Variants in PDZRN3 observed in about 807,000 individuals in gnomAD.
The protein encoded by PDZRN3 is E3 ubiquitin-protein ligase PDZRN3.
Under a neutral mutation model 85.7 loss-of-function variants are expected in PDZRN3, and 38 were observed. The observed-to-expected ratio is 0.44, with a 90% CI of 0.34 to 0.58. The LOEUF is 0.58. Among genes scored for constraint, PDZRN3 ranks in the 20% least tolerant of loss-of-function variants. The probability of loss-of-function intolerance (pLI) is 0.01; values close to 1 mark genes in which losing one functional copy is unlikely to be tolerated. For synonymous variants in PDZRN3, 759 were observed against 638.0 expected, an observed-to-expected ratio of 1.19 and a Z score of -2.86; for missense variants, 1,629 against 1,506.4, an observed-to-expected ratio of 1.08 and a Z score of -1.35.
chr3:73,553,715 TGACTTCA>T (rs1701621351), intron 3 of PDZRN3, among the ~76,000 whole-genome samples: 1 of 152,130 alleles, frequency 6.6e-6, no homozygotes, highest in Admixed American at 6.5e-5. Flanking sequence ...TTCCGTGGTG[TGACTTCA>T]GAACACGCAG....
chr3:73,474,754 G>C (rs943216407), intron 3 of PDZRN3: 2 of 367,728 alleles, frequency 5.4e-6, no homozygotes, highest in Admixed American at 8.4e-5. Context: ...CGAAGTGAAG[G>C]GGGGAAAATG....
chr3:73,559,671 C>T (rs146487383), intron 3 of PDZRN3, among the ~76,000 whole-genome samples: 5 of 152,186 alleles, frequency 3.3e-5, no homozygotes, highest in Admixed American at 1.3e-4. Flanking sequence ...AAGAAAGAGA[C>T]GGTTTGCTTT....
intron 3 of PDZRN3, among the ~76,000 whole-genome samples, chr3:73,411,997 A>G (rs1262028356): frequency 2.0e-5 from 3 of 152,208 alleles, no homozygotes; most frequent in Non-Finnish European, 4.4e-5. Flanking sequence ...AGAGACACAG[A>G]GGGCATCTGC....
chr3:73,394,675 C>A (rs1389001581), intron 5 of PDZRN3, among the ~76,000 whole-genome samples: 2 of 152,182 alleles, frequency 1.3e-5, no homozygotes, highest in African/African-American at 2.4e-5. Flanking sequence ...TATTTCCTTG[C>A]CTTATCTCTG....
chr3:73,495,328 T>C (rs971716976), intron 3 of PDZRN3, among the ~76,000 whole-genome samples: 1 of 152,118 alleles, frequency 6.6e-6, no homozygotes, highest in Admixed American at 6.6e-5. Context: ...ATGCTTAATA[T>C]AGCTAAAATT....
intron 1 of PDZRN3, among the ~76,000 whole-genome samples, chr3:73,609,503 T>C (rs1449227161): frequency 6.6e-6 from 1 of 152,174 alleles, no homozygotes; most frequent in Non-Finnish European, 1.5e-5. Flanking sequence ...GTAATATTCT[T>C]TGACATAAAC....
In PDZRN3 at chr3:73,467,395, G is replaced by T. The variant is rs540924286; in HGVS notation, c.919-63000C>A. The stretch of plus-strand genomic sequence containing the variant: ...CTCAAATACAAAAGGACAAATATTT[G>T]TTTCTCCAATTAGATTAGTTGCTCA... On this transcript the variant is annotated intron_variant, in intron 3 of 9. Coordinates refer to ENST00000263666, the MANE Select transcript of PDZRN3 (RefSeq NM_015009.3). Among the ~76,000 whole-genome samples, 5 of 152,256 alleles carry T rather than the reference G, an allele frequency of 3.3e-5. No individual in the cohort carries two copies. The South Asian group carries it at 6.2e-4, about 19-fold the overall frequency.
At chr3:73,572,138 T>C (rs1294295319) in intron 3 of PDZRN3, among the ~76,000 whole-genome samples, 1 of 152,196 alleles carries the variant, frequency 6.6e-6, no homozygotes, top group Non-Finnish European at 1.5e-5. Flanking sequence ...TCCAAAGTCA[T>C]TCTTGTTTCA....
chr3:73,570,720 A>G (rs898816205), intron 3 of PDZRN3, among the ~76,000 whole-genome samples: 4 of 152,120 alleles, frequency 2.6e-5, no homozygotes, highest in Non-Finnish European at 5.9e-5. Context: ...GGCCCGTATG[A>G]GCCCCCATCC....
At chr3:73,523,010 T>TTTTG (rs369857452) in intron 3 of PDZRN3, among the ~76,000 whole-genome samples, 77 of 152,130 alleles carry the variant, frequency 5.1e-4, no homozygotes, top group Admixed American at 2.8e-3. Context: ...GAAGAGTTTT[T>TTTTG]TTTGTTTGTT....
At chr3:73,396,729 G>A (rs35401345) in intron 5 of PDZRN3, among the ~76,000 whole-genome samples, 90,780 of 152,084 alleles carry the variant, frequency 0.6, 27,951 homozygotes, top group East Asian at 0.85. Flanking sequence ...CAGCAGTTTC[G>A]CAGCCTACAT....
intron 3 of PDZRN3, among the ~76,000 whole-genome samples, chr3:73,447,646 A>G (rs1702777179): frequency 6.6e-6 from 1 of 152,156 alleles, no homozygotes; most frequent in Admixed American, 6.5e-5. Flanking sequence ...AACTATCTAA[A>G]TAGGAGGACG....
At chr3:73,508,880 T>A (rs553817379) in intron 3 of PDZRN3, among the ~76,000 whole-genome samples, 3 of 152,158 alleles carry the variant, frequency 2.0e-5, no homozygotes, top group African/African-American at 7.2e-5. Context: ...AAAAGAAAAA[T>A]AAACCTCTGG....
chr3:73,468,598 A>G (rs1386434274), intron 3 of PDZRN3, among the ~76,000 whole-genome samples: 1 of 152,220 alleles, frequency 6.6e-6, no homozygotes, highest in Non-Finnish European at 1.5e-5. Flanking sequence ...ATGTTTTCCA[A>G]GATCTCTTAT....
chr3:73,402,935 G>GA (rs1701780331), intron 4 of PDZRN3, among the ~76,000 whole-genome samples: 1 of 130,750 alleles, frequency 7.6e-6, no homozygotes, highest in Non-Finnish European at 1.6e-5. Flanking sequence ...AGTCACACAT[G>GA]AAAAGCTTTT....
At chr3:73,457,581 GCCTGGT>G (rs1392795348) in intron 3 of PDZRN3, among the ~76,000 whole-genome samples, 1 of 152,034 alleles carries the variant, frequency 6.6e-6, no homozygotes, top group Non-Finnish European at 1.5e-5. Flanking sequence ...TCGGTATCTG[GCCTGGT>G]CCTGTTTCTC....
chr3:73,418,489 T>C (rs942738441), intron 3 of PDZRN3, among the ~76,000 whole-genome samples: 2 of 152,164 alleles, frequency 1.3e-5, no homozygotes, highest in African/African-American at 4.8e-5. Flanking sequence ...GGAAATTAGA[T>C]AATGTTGATT....
At chr3:73,617,904 C>G (rs751096033) in intron 1 of PDZRN3, among the ~76,000 whole-genome samples, 1 of 152,188 alleles carries the variant, frequency 6.6e-6, no homozygotes, top group Non-Finnish European at 1.5e-5. Context: ...CTGGGTTTCA[C>G]CATGTTGGCC....
intron 3 of PDZRN3, among the ~76,000 whole-genome samples, chr3:73,535,148 T>C (rs945756890): frequency 2.0e-5 from 3 of 152,180 alleles, no homozygotes; most frequent in South Asian, 4.2e-4. Context: ...GCTGCTCCTT[T>C]AGCCTGGGTT....
Sources: gnomAD v4.1 joint callset for allele counts (sites outside exome capture counted in the v4.1 genomes callset) on GRCh38, gnomAD v4.1.1 for gene constraint, MANE v1.5 for transcripts, NCBI Gene and HGNC (gene_info 2026-07-23, HGNC 2026-07-21) for gene names.